MAP3K2: variants seen among roughly 807,000 people sequenced by gnomAD.
MAP3K2 encodes mitogen-activated protein kinase kinase kinase 2.
MAP3K2 carries 24 observed loss-of-function variants against 80.3 expected under a neutral mutation model. The observed-to-expected ratio is 0.30, with a 90% CI of 0.22 to 0.42. The LOEUF is 0.42. MAP3K2 is among the 10% of genes least tolerant of loss of function. MAP3K2 has a pLI of 1.00. For missense variants in MAP3K2, 608 were observed against 750.1 expected (o/e 0.81, Z 2.21); for synonymous variants, 244 against 253.7 (o/e 0.96, Z 0.36).
At chr2:127,334,441 T>G (rs1221942674) in intron 5 of MAP3K2, among the ~76,000 whole-genome samples, 1 of 152,152 alleles carries the variant, frequency 6.6e-6, no homozygotes, top group Non-Finnish European at 1.5e-5. Context: ...TTTTAAAAAT[T>G]TATTCTTTTT....
chr2:127,322,192 C>T lies in MAP3K2; in HGVS notation c.899G>A (p.Ser300Asn). 1 of 1,613,988 alleles carries T rather than the reference C, an allele frequency of 6.2e-7. No homozygotes were observed. The highest frequency in any genetic ancestry group is 8.5e-7 in the Non-Finnish European group (1 of 1,179,862). ...TAAGGAATGATCAGTAGGACTGAAA[C>T]TCACAGGAGACCGTAAGCTGGTCCC... is the stretch of plus-strand genomic sequence containing the variant. ...TQGTSLRSPV[S>N]FSPTDHSLST... The change falls in exon 12 of 17, where the codon AGT (serine) becomes AAT (asparagine). Residue 300 changes from serine (S) to asparagine (N), a missense_variant. Ser to Asn is a conservative substitution (Grantham distance 46, BLOSUM62 1). This residue lies in a region of MAP3K2 where 467 missense variants were observed against 521.9 expected (regional missense o/e 0.89). Coordinates refer to ENST00000682094, the MANE Select transcript of MAP3K2 (RefSeq NM_001371910.2). This position sits in a 1 kb window ranked among gnomAD's most constrained non-coding sequence, Gnocchi z 4.2.
chr2:127,387,392 A>ACACGCG (rs1553519996), intron 1 of MAP3K2, 60 bp downstream of exon 1: 8 of 333,560 alleles, frequency 2.4e-5, no homozygotes, highest in Non-Finnish European at 2.9e-5. Context: ...CCCGACACAC[A>ACACGCG]CGCGCGCACA....
chr2:127,303,606 C>A lies in MAP3K2; in HGVS notation c.*3973G>T, dbSNP rs1484271864. Reference sequence around the variant, plus strand: ...ATCATTGCTGAACTTTCAGAGTTAGCGTATGCCATAAAATAAGTAACTGTT... The same window carrying A: ...ATCATTGCTGAACTTTCAGAGTTAGAGTATGCCATAAAATAAGTAACTGTT... On this transcript the variant is annotated 3_prime_UTR_variant, in exon 17 of 17. Coordinates refer to ENST00000682094, the MANE Select transcript of MAP3K2 (RefSeq NM_001371910.2). 2 of 152,088 alleles carry A rather than the reference C, an allele frequency of 1.3e-5. No individual in the cohort carries two copies. The highest frequency in any genetic ancestry group is 2.9e-5 in the Non-Finnish European group (2 of 68,000). The allele number at this position is 152,088 out of a possible 1,614,324, so 9.4% of individuals were successfully genotyped here. A position where few individuals can be genotyped will look rare whatever the true frequency, so the allele number is the denominator to read the frequency against.
chr2:127,315,754 C>T (rs922072443), intron 14 of MAP3K2, among the ~76,000 whole-genome samples: 2 of 152,118 alleles, frequency 1.3e-5, no homozygotes, highest in African/African-American at 4.8e-5. Context: ...GCCTGGCCAA[C>T]AGGGTGAAAC....
chr2:127,311,807 A>G (rs1685812281), intron 15 of MAP3K2, among the ~76,000 whole-genome samples: 1 of 152,218 alleles, frequency 6.6e-6, no homozygotes. Flanking sequence ...ATTAAAAAAA[A>G]CTAGAATCCA....
At chr2:127,355,574 G>A (rs566361259) in intron 1 of MAP3K2, among the ~76,000 whole-genome samples, 63 of 152,242 alleles carry the variant, frequency 4.1e-4, no homozygotes, top group African/African-American at 1.5e-3. Flanking sequence ...GAACACCTGA[G>A]CCTTCAGAGT....
chr2:127,314,071 T>C (rs1685855668), intron 15 of MAP3K2, among the ~76,000 whole-genome samples: 1 of 152,218 alleles, frequency 6.6e-6, no homozygotes, highest in Admixed American at 6.5e-5. Flanking sequence ...AGTATAGATT[T>C]TGAAGCATTC....
At chr2:127,335,132 T>C (rs983506457) in intron 5 of MAP3K2, among the ~76,000 whole-genome samples, 1 of 152,204 alleles carries the variant, frequency 6.6e-6, no homozygotes, top group African/African-American at 2.4e-5. Flanking sequence ...ATGGTTTGCT[T>C]GTACCACAAG....
intron 1 of MAP3K2, among the ~76,000 whole-genome samples, chr2:127,380,370 A>C (rs541303677): frequency 1.3e-5 from 2 of 152,364 alleles, no homozygotes; most frequent in African/African-American, 4.8e-5. Context: ...AAAATATATT[A>C]AACTATTCTT....
At position 127,339,413 on chromosome 2, in the gene MAP3K2, TAAAC is replaced by T. The variant is rs1340685742; in HGVS notation, c.5-367_5-364del. The stretch of plus-strand genomic sequence containing the variant: ...GTTTTAAAAAGTAGGGAAAAAAAAA[TAAAC>T]AACTTTGTATAAATCTCATTACTTA... On this transcript the variant is annotated intron_variant, in intron 2 of 16. Transcript: ENST00000682094. The surrounding 1 kb of genome is among the most constrained non-coding windows in gnomAD (Gnocchi z 4.2). 6.6e-6 allele frequency among the ~76,000 whole-genome samples: 1 copy of T among 151,900 alleles called. No homozygotes were observed. Among genetic ancestry groups the T allele is most frequent in the East Asian group, 1.9e-4 (1 of 5,190 alleles).
intron 16 of MAP3K2, among the ~76,000 whole-genome samples, chr2:127,308,110 G>A (rs2104803248): frequency 6.6e-6 from 1 of 152,046 alleles, no homozygotes; most frequent in Non-Finnish European, 1.5e-5. Flanking sequence ...ATCTTACAAA[G>A]AATATAAGCA....
intron 1 of MAP3K2, chr2:127,378,114 G>C (rs1349546994): frequency 1.1e-6 from 1 of 949,460 alleles, no homozygotes; most frequent in African/African-American, 1.8e-5. Context: ...AGAATGCAAA[G>C]ATACTGAGAG....
At chr2:127,347,246 G>T (rs542529072) in intron 1 of MAP3K2, among the ~76,000 whole-genome samples, 1 of 152,082 alleles carries the variant, frequency 6.6e-6, no homozygotes, top group African/African-American at 2.4e-5. Context: ...GTCAGAAGAC[G>T]AGGCAAGAAA....
chr2:127,352,957 T>C (rs968436679), intron 1 of MAP3K2, among the ~76,000 whole-genome samples: 4 of 152,260 alleles, frequency 2.6e-5, no homozygotes, highest in Admixed American at 2.6e-4. Context: ...AGCCTCGGCC[T>C]CCCAAGGTGC....
intron 14 of MAP3K2, 47 bp downstream of exon 14, chr2:127,317,582 A>G: frequency 7.0e-7 from 1 of 1,435,122 alleles, no homozygotes; most frequent in African/African-American, 1.5e-5. Context: ...TTTATTAACT[A>G]AAATTTTAAA....
intron 13 of MAP3K2, 72 bp downstream of exon 13, chr2:127,318,097 C>T (rs1212145069): frequency 1.9e-6 from 2 of 1,068,514 alleles, no homozygotes; most frequent in Non-Finnish European, 1.3e-6. Context: ...ATGGAAGGGG[C>T]TTAATGTTAA....
In MAP3K2 at chr2:127,341,397, G is replaced by A. The variant is rs1686483683; in HGVS notation, c.4+1729C>T. Among the ~76,000 whole-genome samples, 5 of 152,104 alleles carry A rather than the reference G, an allele frequency of 3.3e-5. No homozygotes were observed. In the South Asian group the frequency reaches 1.0e-3, roughly 32 times the overall value. On this transcript the variant is annotated intron_variant, in intron 2 of 16. Coordinates refer to ENST00000682094, the MANE Select transcript of MAP3K2 (RefSeq NM_001371910.2). ...TGAACAAAACTTCCCATATTAGGAAGGTGACATAAAAAACAAAGGGCAATT... is the reference window on the plus strand; with the variant it reads ...TGAACAAAACTTCCCATATTAGGAAAGTGACATAAAAAACAAAGGGCAATT...
chr2:127,375,410 A>ATT (rs775598052), intron 1 of MAP3K2, among the ~76,000 whole-genome samples: 41 of 126,390 alleles, frequency 3.2e-4, no homozygotes, highest in Admixed American at 3.9e-4. Flanking sequence ...TTATTTATTT[A>ATT]TTTATTTATT....
upstream of MAP3K2, chr2:127,388,080 G>A: frequency 1.0e-6 from 1 of 984,092 alleles, no homozygotes; most frequent in Non-Finnish European, 1.2e-6. Context: ...GCCCAGGGGA[G>A]TGGGTCGGCG....
Sources: allele counts gnomAD v4.1 joint callset (sites outside exome capture counted in the v4.1 genomes callset), GRCh38; gene constraint gnomAD v4.1.1; regional missense constraint gnomAD v4.1.1; non-coding constraint Gnocchi (gnomAD v3.1); transcripts MANE v1.5; gene names NCBI Gene and HGNC (gene_info 2026-07-23, HGNC 2026-07-21).